KLF3: variants seen among roughly 807,000 people sequenced by gnomAD.
KLF3 encodes Krueppel-like factor 3.
Under a neutral mutation model 32.7 loss-of-function variants are expected in KLF3, and 6 were observed. The observed-to-expected ratio is 0.18, with a 90% confidence interval of 0.10 to 0.36. The LOEUF (loss-of-function observed/expected upper bound fraction) is 0.36, where lower values mean the gene tolerates loss of function less well. Ranked by LOEUF, KLF3 falls within the 10% of genes least tolerant of loss-of-function variation. KLF3 has a pLI of 1.00. For synonymous variants in KLF3, 145 were observed against 172.8 expected, an observed-to-expected ratio of 0.84 and a Z score of 1.26; for missense variants, 338 against 449.7, an observed-to-expected ratio of 0.75 and a Z score of 2.25.
chr4:38,675,780 T>C (rs1041430973), intron 1 of KLF3, among the ~76,000 whole-genome samples: 2 of 152,186 alleles, frequency 1.3e-5, no homozygotes, highest in African/African-American at 4.8e-5. Context: ...GCATTTGTGG[T>C]TTACTTAGCA....
At position 38,667,494 on chromosome 4, in the gene KLF3, C is replaced by A. The variant is rs191629053; in HGVS notation, c.-40+3033C>A. On this transcript the variant is annotated intron_variant, in intron 1 of 5. Coordinates refer to ENST00000261438, the MANE Select transcript of KLF3 (RefSeq NM_016531.6). ...AGAAGTCAGTTAACCTTTTTACGTA[C>A]ACCCTTTGCTCCACTGCATTTGTCT... is the stretch of plus-strand genomic sequence containing the variant. Among the ~76,000 whole-genome samples, 633 of 152,336 alleles carry A rather than the reference C, an allele frequency of 4.2e-3. 13 individuals carry two copies. The highest frequency in any genetic ancestry group is 0.036 in the Admixed American group (556 of 15,304).
In KLF3 at chr4:38,689,813, A is replaced by G; in HGVS notation, c.629A>G (p.Tyr210Cys). ...EPGIEPQRTD[Y>C]YPEEMSPPLM... ...GGGATCGAACCACAGAGGACAGATT[A>G]TTATCCTGAAGAAATGTCACCCCCC... The change falls in exon 4 of 6, where the codon TAT (tyrosine) becomes TGT (cysteine). Residue 210 changes from tyrosine (Y) to cysteine (C), a missense_variant. Tyr to Cys is a radical substitution (Grantham distance 194, BLOSUM62 -2). Transcript: ENST00000261438. 6.2e-7 allele frequency: 1 copy of G among 1,613,500 alleles called. No homozygotes were observed. Among genetic ancestry groups the G allele is most frequent in the Non-Finnish European group, 8.5e-7 (1 of 1,179,440 alleles).
At chr4:38,692,573 C>G (rs1055003622) in intron 4 of KLF3, among the ~76,000 whole-genome samples, 2 of 152,190 alleles carry the variant, frequency 1.3e-5, no homozygotes, top group African/African-American at 4.8e-5. Context: ...TTATCATCCC[C>G]AGTTTACAGA....
At position 38,672,891 on chromosome 4, in the gene KLF3, G is replaced by A. The variant is rs115861551; in HGVS notation, c.-39-7696G>A. The stretch of plus-strand genomic sequence containing the variant: ...GGGGAGAGCAAAGGAGGTGAGGAAG[G>A]CTTCAGAGATGGCCTCTAGGTTTCC... On this transcript the variant is annotated intron_variant, in intron 1 of 5. Coordinates refer to ENST00000261438, the MANE Select transcript of KLF3 (RefSeq NM_016531.6). Among the ~76,000 whole-genome samples, 1,135 of 151,846 alleles carry A rather than the reference G, an allele frequency of 7.5e-3. 17 individuals carry two copies. Among genetic ancestry groups the A allele is most frequent in the African/African-American group, 0.026 (1,058 of 41,390 alleles).
At chr4:38,693,007 CTCTG>C (rs920691993) in intron 4 of KLF3, among the ~76,000 whole-genome samples, 22 of 149,772 alleles carry the variant, frequency 1.5e-4, no homozygotes, top group South Asian at 4.2e-4. Context: ...CTTATAAAAA[CTCTG>C]TCTGTAAACC....
At chr4:38,689,161 A>G (rs986246686) in intron 3 of KLF3, 90 bp downstream of exon 3, 3 of 1,504,044 alleles carry the variant, frequency 2.0e-6, no homozygotes, top group Non-Finnish European at 2.7e-6. Flanking sequence ...TGGGGGCAAG[A>G]GCTGTTGAAC....
chr4:38,686,443 CAAAAAAAA>C (rs61128677), intron 2 of KLF3, among the ~76,000 whole-genome samples: 3 of 100,960 alleles, frequency 3.0e-5, no homozygotes, highest in Admixed American at 1.1e-4. Context: ...GACCCTATCT[CAAAAAAAA>C]AAAAAAAAAA....
intron 2 of KLF3, among the ~76,000 whole-genome samples, chr4:38,686,647 A>G (rs1027924048): frequency 4.6e-5 from 7 of 152,100 alleles, no homozygotes; most frequent in African/African-American, 1.7e-4. Context: ...AAGTTTGAGA[A>G]ACTCTGGTTG....
chr4:38,696,199 A>C (rs1026281694), intron 5 of KLF3, among the ~76,000 whole-genome samples: 10 of 148,410 alleles, frequency 6.7e-5, no homozygotes, highest in Non-Finnish European at 1.1e-4. Context: ...AAAAAAAAAA[A>C]AAAAAAAAAC....
intron 2 of KLF3, among the ~76,000 whole-genome samples, chr4:38,683,566 T>G (rs74359648): frequency 5.0e-5 from 7 of 140,296 alleles, no homozygotes; most frequent in South Asian, 2.2e-4. Context: ...CGAGCTTCTG[T>G]TTTTTTTTTT....
At chr4:38,691,394 G>A (rs1201239337) in intron 4 of KLF3, among the ~76,000 whole-genome samples, 1 of 152,200 alleles carries the variant, frequency 6.6e-6, no homozygotes, top group Non-Finnish European at 1.5e-5. Flanking sequence ...GTTGAGGGAT[G>A]TTTCTGGCAA....
chr4:38,668,243 TG>T (rs1722099066), intron 1 of KLF3, among the ~76,000 whole-genome samples: 1 of 152,218 alleles, frequency 6.6e-6, no homozygotes, highest in African/African-American at 2.4e-5. Context: ...ATTAGTTTTC[TG>T]TTGGTTCTTG....
At chr4:38,682,479 T>G (rs1722559605) in intron 2 of KLF3, among the ~76,000 whole-genome samples, 1 of 152,240 alleles carries the variant, frequency 6.6e-6, no homozygotes, top group Non-Finnish European at 1.5e-5. Flanking sequence ...TCCCCATTAG[T>G]TATATTCTTG....
Position 38,671,765 on chromosome 4 carries a change from T to C in KLF3, c.-40+7304T>C, listed in dbSNP as rs964536937. ...GAAGGTAGTAACCACCTCATTGACA[T>C]TAAACAGCGCCTGGGGATTGCCAAT... On this transcript the variant is annotated intron_variant, in intron 1 of 5. Coordinates refer to ENST00000261438, the MANE Select transcript of KLF3 (RefSeq NM_016531.6). The surrounding 1 kb of genome is among the most constrained non-coding windows in gnomAD (Gnocchi z 4.4). Among the ~76,000 whole-genome samples the C allele has an allele frequency of 1.1e-4, 16 of 152,180 alleles. No individual in the cohort carries two copies. Among genetic ancestry groups the C allele is most frequent in the African/African-American group, 3.6e-4 (15 of 41,446 alleles).
At chr4:38,684,539 G>A (rs950584665) in intron 2 of KLF3, among the ~76,000 whole-genome samples, 1 of 77,914 alleles carries the variant, frequency 1.3e-5, no homozygotes, top group African/African-American at 5.5e-5. Flanking sequence ...TTGGTTTTTT[G>A]TGTTTTTTTT....
rs1384555818 is a variant in KLF3, at chr4:38,671,686, AT to A, written c.-40+7226del. On this transcript the variant is annotated intron_variant, in intron 1 of 5. Transcript: ENST00000261438. This position sits in a 1 kb window ranked among gnomAD's most constrained non-coding sequence, Gnocchi z 4.4. Reference sequence around the variant, plus strand: ...GGCTCTACGAGTTAGCAGCTGTGTGATGTTAGGCAGGTTACTTGACCTCTCT... The same window carrying A: ...GGCTCTACGAGTTAGCAGCTGTGTGAGTTAGGCAGGTTACTTGACCTCTCT... Among the ~76,000 whole-genome samples the A allele has an allele frequency of 6.6e-6, 1 of 152,168 alleles. No individual in the cohort carries two copies. Among genetic ancestry groups the A allele is most frequent in the African/African-American group, 2.4e-5 (1 of 41,420 alleles).
intron 2 of KLF3, among the ~76,000 whole-genome samples, chr4:38,683,175 G>A (rs527456419): frequency 2.0e-5 from 3 of 151,818 alleles, no homozygotes; most frequent in Admixed American, 6.6e-5. Flanking sequence ...AAAGTCTTTC[G>A]CTATTCAAGT....
In KLF3 at chr4:38,688,745, C is replaced by T; in HGVS notation, c.218C>T (p.Pro73Leu). The T allele has an allele frequency of 1.9e-6, 3 of 1,614,236 alleles. No individual in the cohort carries two copies. The highest frequency in any genetic ancestry group is 2.5e-6 in the Non-Finnish European group (3 of 1,180,050). The change falls in exon 3 of 6, where the codon CCT becomes CTT. Residue 73 changes from proline to leucine, a missense_variant. Transcript: ENST00000261438. The surrounding 1 kb of genome is among the most constrained non-coding windows in gnomAD (Gnocchi z 4.9). ...ACGGTGAACAAGCGGAGTTCACCCC[C>T]TTCGGCTGGGAATTCGCCCTCCTCT... is the stretch of plus-strand genomic sequence containing the variant. ...DLTVNKRSSP[P>L]SAGNSPSSLK...
At position 38,664,251 on chromosome 4, in the gene KLF3, A is replaced by G. The variant is rs990359318; in HGVS notation, c.-250A>G. 2.6e-5 allele frequency: 4 copies of G among 151,432 alleles called. No homozygotes were observed. The highest frequency in any genetic ancestry group is 6.6e-5 in the Admixed American group (1 of 15,202). 9.4% of individuals were successfully genotyped at this position (151,432 alleles called of 1,614,324 possible). ...CTGCCCGGAGTTGGTGCCAGGAGCC[A>G]GAGGGGAGCCAGGAGCGGAGCCGCG... On this transcript the variant is annotated 5_prime_UTR_variant, in exon 1 of 6. Coordinates refer to ENST00000261438, the MANE Select transcript of KLF3 (RefSeq NM_016531.6).
Sources: gnomAD v4.1 joint callset for allele counts (sites outside exome capture counted in the v4.1 genomes callset) on GRCh38, gnomAD v4.1.1 for gene constraint, Gnocchi (gnomAD v3.1) non-coding constraint, MANE v1.5 for transcripts, NCBI Gene and HGNC (gene_info 2026-07-23, HGNC 2026-07-21) for gene names.